GRID1: variants seen among roughly 807,000 people sequenced by gnomAD.
GRID1 encodes glutamate ionotropic receptor delta type subunit 1, also known as glutamate receptor ionotropic, delta-1.
In GRID1, 28 loss-of-function variants were observed where a neutral mutation model predicts 98.0. That is an observed-to-expected ratio of 0.29 (90% CI 0.21 to 0.39). GRID1 has a LOEUF of 0.39. GRID1 is among the 10% of genes least tolerant of loss of function. The pLI is 1.00. For missense variants in GRID1, 1,111 were observed against 1,340.5 expected, an observed-to-expected ratio of 0.83 and a Z score of 2.67; for synonymous variants, 553 against 538.5, an observed-to-expected ratio of 1.03 and a Z score of -0.37.
intron 13 of GRID1, among the ~76,000 whole-genome samples, chr10:85,624,431 T>G (rs1016521195): frequency 6.6e-6 from 1 of 152,158 alleles, no homozygotes; most frequent in African/African-American, 2.4e-5. Flanking sequence ...CTCCAAGCCT[T>G]GAGCTGTCTG....
rs190323347 is a variant in GRID1, at chr10:86,219,649, G to T, written c.236-13001C>A. The stretch of plus-strand genomic sequence containing the variant: ...GAGGGAGAGAGCTGGGGTGAAGCTG[G>T]GGAGGTAGTGGGGGTAAATGGAGCG... On this transcript the variant is annotated intron_variant, in intron 2 of 15. Transcript: ENST00000327946. Among the ~76,000 whole-genome samples the T allele has an allele frequency of 4.0e-3, 616 of 152,312 alleles. 5 individuals are homozygous for T. Among genetic ancestry groups the T allele is most frequent in the African/African-American group, 0.014 (602 of 41,564 alleles).
chr10:86,255,639 C>T (rs1846906025), intron 2 of GRID1, among the ~76,000 whole-genome samples: 1 of 152,232 alleles, frequency 6.6e-6, no homozygotes, highest in Non-Finnish European at 1.5e-5. Context: ...AAACTGACAC[C>T]TGTCATCACC....
Position 85,859,667 on chromosome 10 carries a change from C to T in GRID1, c.952-3477G>A, listed in dbSNP as rs76397494. Among the ~76,000 whole-genome samples, 16 of 152,270 alleles carry T rather than the reference C, an allele frequency of 1.1e-4. No individual in the cohort carries two copies. The East Asian group carries it at 3.1e-3, about 29-fold the overall frequency. On this transcript the variant is annotated intron_variant, in intron 6 of 15. Transcript: ENST00000327946. ...GCTGTTTCCATCTACTCCACTTACT[C>T]CTAACTCTTCCCTGGTAAGATATTG...
intron 4 of GRID1, among the ~76,000 whole-genome samples, chr10:85,970,720 T>A (rs899809737): frequency 2.0e-5 from 3 of 152,020 alleles, no homozygotes; most frequent in Non-Finnish European, 4.4e-5. Flanking sequence ...GCAGCTAACA[T>A]CATACTGAAT....
chr10:85,737,714 T>G (rs1419390882), intron 8 of GRID1, among the ~76,000 whole-genome samples: 1 of 83,926 alleles, frequency 1.2e-5, no homozygotes, highest in Non-Finnish European at 2.2e-5. Flanking sequence ...AACATACATG[T>G]TTATATATAT....
At position 85,599,802 on chromosome 10, in the gene GRID1, A is replaced by AAAAAATATATAT; in HGVS notation, c.*2470_*2471insATATATATTTTT. ...GTAGAAAATTCTAAAAAAAAAAAAA[A>AAAAAATATATAT]ATATATATATATATATATAAACATG... On this transcript the variant is annotated 3_prime_UTR_variant, in exon 16 of 16. Transcript: ENST00000327946. The AAAAAATATATAT allele has an allele frequency of 5.8e-4, 38 of 64,976 alleles. 1 individual carries two copies. Among genetic ancestry groups the AAAAAATATATAT allele is most frequent in the Non-Finnish European group, 8.5e-4 (33 of 38,782 alleles). The allele number at this position is 64,976 out of a possible 1,614,324, so 4.0% of individuals were successfully genotyped here.
At chr10:85,866,841 G>T (rs948382687) in intron 6 of GRID1, among the ~76,000 whole-genome samples, 1 of 152,156 alleles carries the variant, frequency 6.6e-6, no homozygotes, top group African/African-American at 2.4e-5. Context: ...CTCTTTTACT[G>T]TTGCTGCTAT....
intron 5 of GRID1, among the ~76,000 whole-genome samples, chr10:85,915,720 C>A (rs1417182474): frequency 2.0e-5 from 3 of 152,074 alleles, no homozygotes; most frequent in Non-Finnish European, 4.4e-5. Context: ...CACACACACA[C>A]CTGGATTCAC....
rs561492560 is a variant in GRID1, at chr10:86,026,829, G to A, written c.727-110590C>T. Among the ~76,000 whole-genome samples, 3 of 152,336 alleles carry A rather than the reference G, an allele frequency of 2.0e-5. No homozygotes were observed. The East Asian group carries it at 5.8e-4, about 29-fold the overall frequency. ...TCCAGCCCTCATGTGGAGACGTGTG[G>A]GGTGTGAATCCCAGTTCAGCACATG... On this transcript the variant is annotated intron_variant, in intron 4 of 15. Coordinates refer to ENST00000327946, the MANE Select transcript of GRID1 (RefSeq NM_017551.3).
intron 8 of GRID1, among the ~76,000 whole-genome samples, chr10:85,749,064 C>T (rs1842023301): frequency 6.6e-6 from 1 of 152,328 alleles, no homozygotes; most frequent in East Asian, 1.9e-4. Flanking sequence ...CCACCATTAT[C>T]ACCTGGATCA....
At chr10:85,780,289 G>T (rs1842369618) in intron 8 of GRID1, among the ~76,000 whole-genome samples, 1 of 152,208 alleles carries the variant, frequency 6.6e-6, no homozygotes, top group Non-Finnish European at 1.5e-5. Context: ...GCCATCAGCA[G>T]CTGGGATTCA....
At chr10:86,101,464 A>G (rs184257340) in intron 4 of GRID1, among the ~76,000 whole-genome samples, 411 of 152,230 alleles carry the variant, frequency 2.7e-3, no homozygotes, top group Non-Finnish European at 5.0e-3. Context: ...GAAAACACCA[A>G]TGAGTTTTCT....
At chr10:85,735,281 A>G (rs1185102146) in intron 8 of GRID1, among the ~76,000 whole-genome samples, 3 of 152,192 alleles carry the variant, frequency 2.0e-5, no homozygotes, top group South Asian at 2.1e-4. Context: ...TACTGCTGCT[A>G]TTTGATAAGA....
chr10:86,002,716 A>G (rs1322184499), intron 4 of GRID1, among the ~76,000 whole-genome samples: 1 of 152,208 alleles, frequency 6.6e-6, no homozygotes, highest in African/African-American at 2.4e-5. Context: ...ATATTTTTTA[A>G]AAACTGTGGA....
chr10:85,664,688 C>T (rs777590799), intron 12 of GRID1, among the ~76,000 whole-genome samples: 3 of 152,128 alleles, frequency 2.0e-5, no homozygotes, highest in Admixed American at 1.3e-4. Context: ...GGTTTCATTT[C>T]GCACAAAGGA....
chr10:86,259,751 G>T (rs1021017986), intron 2 of GRID1, among the ~76,000 whole-genome samples: 1 of 152,206 alleles, frequency 6.6e-6, no homozygotes, highest in Non-Finnish European at 1.5e-5. Context: ...GCAAAGGGAA[G>T]AGAGTCCAGT....
rs145119146 is a variant in GRID1, at chr10:86,304,583, A to C, written c.235+59358T>G. 2.3e-4 allele frequency among the ~76,000 whole-genome samples: 35 copies of C among 152,360 alleles called. 1 individual carries two copies. In the East Asian group the frequency reaches 6.7e-3, roughly 29 times the overall value. ...CAGGGCTGCTGACAGAGGCCCCCAAAGGCAGAAAGAGAAACTGGGAGGAAG... is the reference window on the plus strand; with the variant it reads ...CAGGGCTGCTGACAGAGGCCCCCAACGGCAGAAAGAGAAACTGGGAGGAAG... On this transcript the variant is annotated intron_variant, in intron 2 of 15. Transcript: ENST00000327946.
intron 13 of GRID1, among the ~76,000 whole-genome samples, chr10:85,644,998 T>C (rs1843167362): frequency 6.6e-6 from 1 of 152,218 alleles, no homozygotes; most frequent in East Asian, 1.9e-4. Flanking sequence ...TTCTATTAAG[T>C]TGTTTGAGCT....
At chr10:86,109,916 C>T (rs1326756611) in intron 4 of GRID1, among the ~76,000 whole-genome samples, 2 of 151,808 alleles carry the variant, frequency 1.3e-5, no homozygotes, top group Non-Finnish European at 2.9e-5. Flanking sequence ...GAAAAAAATG[C>T]ATGTCAAGGG....
Sources: allele counts gnomAD v4.1 joint callset (sites outside exome capture counted in the v4.1 genomes callset), GRCh38; gene constraint gnomAD v4.1.1; transcripts MANE v1.5; gene names NCBI Gene and HGNC (gene_info 2026-07-23, HGNC 2026-07-21).